Variants in CACNA1E observed in about 807,000 individuals in gnomAD.
CACNA1E encodes calcium voltage-gated channel subunit alpha1 E.
A neutral mutation model predicts 259.2 loss-of-function variants in CACNA1E; 40 were observed. The ratio of observed to expected loss-of-function variants is 0.15; its 90% CI spans 0.12 to 0.20. The LOEUF is 0.20. CACNA1E is among the 10% of genes least tolerant of loss of function. The pLI, the probability that CACNA1E is intolerant of heterozygous loss-of-function variation, is 1.00. For synonymous variants in CACNA1E, 1,104 were observed against 1,138.5 expected (o/e 0.97, Z 0.61); for missense variants, 1,874 against 3,040.1 (o/e 0.62, Z 9.02).
chr1:181,693,152 A>C (rs906002103), intron 7 of CACNA1E, among the ~76,000 whole-genome samples: 1 of 98,090 alleles, frequency 1.0e-5, no homozygotes. Context: ...AAAAAAAAAC[A>C]ACAGATGCTA....
intron 2 of CACNA1E, among the ~76,000 whole-genome samples, chr1:181,470,041 C>G (rs1220243): frequency 0.29 from 43,632 of 150,808 alleles, 6,474 homozygotes; most frequent in Non-Finnish European, 0.32. Flanking sequence ...AAAAGATTTA[C>G]AGAGAGAGAG....
At chr1:181,611,537 T>A (rs1654752182) in intron 6 of CACNA1E, among the ~76,000 whole-genome samples, 1 of 152,174 alleles carries the variant, frequency 6.6e-6, no homozygotes, top group South Asian at 2.1e-4. Flanking sequence ...GCACCTCTAC[T>A]GTCAAGACAG....
intron 2 of CACNA1E, among the ~76,000 whole-genome samples, chr1:181,417,228 C>G (rs1480871296): frequency 6.6e-6 from 1 of 152,146 alleles, no homozygotes; most frequent in Non-Finnish European, 1.5e-5. Context: ...CATTTCCCAT[C>G]TTATCAAACT....
At chr1:181,396,902 T>C (rs1386571206) in intron 1 of CACNA1E, among the ~76,000 whole-genome samples, 1 of 152,204 alleles carries the variant, frequency 6.6e-6, no homozygotes, top group African/African-American at 2.4e-5. Flanking sequence ...CTTCTGGGAC[T>C]TGGGTAAAGA....
chr1:181,370,612 G>T (rs144188633), intron 1 of CACNA1E, among the ~76,000 whole-genome samples: 1 of 151,958 alleles, frequency 6.6e-6, no homozygotes, highest in African/African-American at 2.4e-5. Context: ...ACATGATTTC[G>T]TGTTTTTTTA....
At chr1:181,347,283 A>G (rs1652669658) in intron 1 of CACNA1E, among the ~76,000 whole-genome samples, 1 of 152,168 alleles carries the variant, frequency 6.6e-6, no homozygotes, top group Admixed American at 6.5e-5. Context: ...GTAAAGCATG[A>G]CTGTTCATGG....
intron 16 of CACNA1E, 141 bp from the exon 17 acceptor site, chr1:181,724,329 C>T: frequency 3.1e-6 from 2 of 643,328 alleles, no homozygotes; most frequent in South Asian, 3.7e-5. Flanking sequence ...TCTCTGTTCT[C>T]ACAGCCCCTG....
At chr1:181,338,963 A>G (rs1175312431) in intron 1 of CACNA1E, among the ~76,000 whole-genome samples, 2 of 152,060 alleles carry the variant, frequency 1.3e-5, no homozygotes, top group Non-Finnish European at 2.9e-5. Flanking sequence ...GTCAAAAATT[A>G]GTTGACTGTC....
intron 2 of CACNA1E, among the ~76,000 whole-genome samples, chr1:181,421,909 G>A (rs562217077): frequency 9.9e-5 from 15 of 152,272 alleles, no homozygotes; most frequent in African/African-American, 3.6e-4. Context: ...GGGACAATAT[G>A]AACTCTTTTT....
intron 7 of CACNA1E, among the ~76,000 whole-genome samples, chr1:181,707,279 C>G (rs952077733): frequency 3.3e-5 from 5 of 152,186 alleles, no homozygotes; most frequent in African/African-American, 1.2e-4. Flanking sequence ...CAGTGGTGCA[C>G]ATTCGTTGCT....
chr1:181,396,403 T>C (rs1334661699), intron 1 of CACNA1E, among the ~76,000 whole-genome samples: 1 of 152,210 alleles, frequency 6.6e-6, no homozygotes, highest in African/African-American at 2.4e-5. Flanking sequence ...CAATTGGTCA[T>C]TGGGTTTAGC....
intron 2 of CACNA1E, among the ~76,000 whole-genome samples, chr1:181,421,402 G>A (rs1249410665): frequency 6.6e-6 from 1 of 152,140 alleles, no homozygotes; most frequent in Non-Finnish European, 1.5e-5. Flanking sequence ...GGGTTATTCT[G>A]GGCCTCTTCT....
chr1:181,784,629 A>C, intron 40 of CACNA1E, 32 bp from the exon 41 acceptor site: 4 of 1,419,454 alleles, frequency 2.8e-6, no homozygotes, highest in Non-Finnish European at 3.9e-6. Context: ...TTCTGGGTCT[A>C]TTCTATTTAT....
chr1:181,788,950 G>A (rs927040996), intron 43 of CACNA1E, among the ~76,000 whole-genome samples: 4 of 152,122 alleles, frequency 2.6e-5, no homozygotes, highest in Admixed American at 6.5e-5. Flanking sequence ...CTTTAGCCTC[G>A]ACTTTCTAGG....
intron 3 of CACNA1E, among the ~76,000 whole-genome samples, chr1:181,545,373 A>C (rs1647330872): frequency 6.6e-6 from 1 of 152,208 alleles, no homozygotes; most frequent in Non-Finnish European, 1.5e-5. Context: ...ATTTTGTCAT[A>C]CTTGGCATTT....
At chr1:181,620,282 G>A (rs1248756543) in intron 6 of CACNA1E, among the ~76,000 whole-genome samples, 3 of 152,158 alleles carry the variant, frequency 2.0e-5, no homozygotes, top group African/African-American at 4.8e-5. Context: ...AGCCTTGGGT[G>A]TTGAGTCAGC....
intron 32 of CACNA1E, among the ~76,000 whole-genome samples, chr1:181,760,083 G>C (rs1658442816): frequency 6.6e-6 from 1 of 152,174 alleles, no homozygotes; most frequent in Non-Finnish European, 1.5e-5. Flanking sequence ...AGCTGAGAGA[G>C]AGGGAGACGC....
chr1:181,793,776 C>T lies in CACNA1E; in HGVS notation c.6010C>T (p.Leu2004=). 2 of 1,611,610 alleles carry T rather than the reference C, an allele frequency of 1.2e-6. No individual in the cohort carries two copies. The highest frequency in any genetic ancestry group is 4.5e-5 in the East Asian group (2 of 44,876). The part of the protein sequence containing the change: ...GSGRASSMPR[L]TVDPQVVTDP... ...TGGGAGGGCATCTTCTATGCCACGT[C>T]TGACTGTGGATCCCCAGGTAAAAAG... Residue 2004 remains leucine, a synonymous_variant, in exon 45 of 48, where the codon CTG becomes TTG. Transcript: ENST00000367573.
Position 181,758,199 on chromosome 1 carries a change from C to T in CACNA1E, c.4494+88C>T, listed in dbSNP as rs1472168268. The T allele has an allele frequency of 5.1e-6, 6 of 1,169,148 alleles. No homozygotes were observed. The highest frequency in any genetic ancestry group is 7.5e-6 in the Non-Finnish European group (6 of 804,330). 72.4% of individuals were successfully genotyped at this position (1,169,148 alleles called of 1,614,324 possible). A position where few individuals can be genotyped will look rare whatever the true frequency, so the allele number is the denominator to read the frequency against. On this transcript the variant is annotated intron_variant, in intron 31 of 47. Transcript: ENST00000367573. The surrounding 1 kb of genome is among the most constrained non-coding windows in gnomAD (Gnocchi z 4.2). ...GGGAAGACACCCCAACATCCCAGCC[C>T]ATCACTGCTTTACCTACTTTTCCAT...
Sources: gnomAD v4.1 joint callset for allele counts (sites outside exome capture counted in the v4.1 genomes callset) on GRCh38, gnomAD v4.1.1 for gene constraint, Gnocchi (gnomAD v3.1) non-coding constraint, MANE v1.5 for transcripts, NCBI Gene and HGNC (gene_info 2026-07-23, HGNC 2026-07-21) for gene names.